GRID2: variants seen among roughly 807,000 people sequenced by gnomAD.
The protein encoded by GRID2 is glutamate receptor ionotropic, delta-2.
GRID2 carries 33 observed loss-of-function variants against 114.8 expected under a neutral mutation model. That is an observed-to-expected ratio of 0.29 (90% CI 0.22 to 0.38). The LOEUF is 0.38. Among genes scored for constraint, GRID2 ranks in the 10% least tolerant of loss-of-function variants. GRID2 has a pLI of 1.00. For missense variants in GRID2, 1,184 were observed against 1,257.7 expected (o/e 0.94, Z 0.89); for synonymous variants, 505 against 449.9 (o/e 1.12, Z -1.55).
At chr4:93,022,469 A>G (rs926278383) in intron 2 of GRID2, among the ~76,000 whole-genome samples, 1 of 151,964 alleles carries the variant, frequency 6.6e-6, no homozygotes, top group Admixed American at 6.6e-5. Context: ...CAAGCTCGCT[A>G]TTATGAACAA....
chr4:92,987,227 T>G (rs1473002629), intron 2 of GRID2, among the ~76,000 whole-genome samples: 2 of 152,200 alleles, frequency 1.3e-5, no homozygotes, highest in Non-Finnish European at 2.9e-5. Context: ...GATAAAATTT[T>G]TTTTTAGTAA....
At chr4:93,239,878 T>C (rs1221838243) in intron 8 of GRID2, among the ~76,000 whole-genome samples, 1 of 151,738 alleles carries the variant, frequency 6.6e-6, no homozygotes, top group African/African-American at 2.4e-5. Context: ...GTTTTGTCAA[T>C]GTTTCAACTT....
chr4:92,790,777 A>T (rs1464963282), intron 2 of GRID2, among the ~76,000 whole-genome samples: 1 of 150,244 alleles, frequency 6.7e-6, no homozygotes, highest in East Asian at 2.0e-4. Context: ...CCTAAATCCT[A>T]TGTGGCCAGT....
chr4:93,157,831 C>G (rs964721385), intron 4 of GRID2, among the ~76,000 whole-genome samples: 6 of 151,652 alleles, frequency 4.0e-5, no homozygotes, highest in African/African-American at 1.5e-4. Flanking sequence ...AATGAGGCAA[C>G]AAGGAAAGAC....
intron 2 of GRID2, among the ~76,000 whole-genome samples, chr4:92,727,940 C>T (rs1002049206): frequency 2.0e-5 from 3 of 151,900 alleles, no homozygotes; most frequent in Non-Finnish European, 2.9e-5. Context: ...TGGGGTTTAG[C>T]GTTTAAATTT....
At chr4:93,111,561 T>A (rs1227101351) in intron 4 of GRID2, among the ~76,000 whole-genome samples, 1 of 152,128 alleles carries the variant, frequency 6.6e-6, no homozygotes, top group African/African-American at 2.4e-5. Flanking sequence ...GACTTTCTAG[T>A]GATAGGTATA....
intron 1 of GRID2, among the ~76,000 whole-genome samples, chr4:92,586,890 T>A (rs796838827): frequency 3.3e-5 from 5 of 152,144 alleles, no homozygotes; most frequent in African/African-American, 1.2e-4. Context: ...TTTGGCCACT[T>A]GCATGTCAGT....
rs571823521 is a variant in GRID2 at position 92,624,701 on chromosome 4, A to G, written c.244+34415A>G. Among the ~76,000 whole-genome samples, 18 of 151,734 alleles carry G rather than the reference A, an allele frequency of 1.2e-4. No individual in the cohort carries two copies. In the South Asian group the frequency reaches 3.7e-3, roughly 32 times the overall value. ...CCATTTAAGAATCTTCAACCAAAGG[A>G]AAAAAAAGGTTAAAATATCCCCATA... On this transcript the variant is annotated intron_variant, in intron 2 of 15. Coordinates refer to ENST00000282020, the MANE Select transcript of GRID2 (RefSeq NM_001510.4).
chr4:93,759,885 G>T (rs1174686604), intron 14 of GRID2, among the ~76,000 whole-genome samples: 1 of 152,130 alleles, frequency 6.6e-6, no homozygotes, highest in South Asian at 2.1e-4. Flanking sequence ...AAATAAAGAG[G>T]TGCTTCCATT....
At position 92,913,571 on chromosome 4, in the gene GRID2, C is replaced by T. The variant is rs1451663617; in HGVS notation, c.245-171424C>T. Among the ~76,000 whole-genome samples the T allele has an allele frequency of 2.0e-5, 3 of 152,004 alleles. No individual in the cohort carries two copies. In the East Asian group the frequency reaches 5.8e-4, roughly 29 times the overall value. On this transcript the variant is annotated intron_variant, in intron 2 of 15. Coordinates refer to ENST00000282020, the MANE Select transcript of GRID2 (RefSeq NM_001510.4). ...ACTTGTCCTAGATGAAGCTCATTTT[C>T]ATAAATGTTATTTTCTTTTGTAATT...
intron 1 of GRID2, among the ~76,000 whole-genome samples, chr4:93,785,447 T>C (rs756711862): frequency 2.0e-5 from 3 of 151,774 alleles, no homozygotes; most frequent in Non-Finnish European, 2.9e-5. Context: ...GCAAAGGAAA[T>C]AGAGGTTTTT....
chr4:92,721,369 C>T (rs992787456), intron 2 of GRID2, among the ~76,000 whole-genome samples: 3 of 152,068 alleles, frequency 2.0e-5, no homozygotes, highest in Middle Eastern at 6.8e-3. Flanking sequence ...GTACATGAAT[C>T]CAAATAAATC....
intron 1 of GRID2, among the ~76,000 whole-genome samples, chr4:92,412,675 A>T (rs1731396101): frequency 6.6e-6 from 1 of 152,300 alleles, no homozygotes; most frequent in East Asian, 1.9e-4. Flanking sequence ...AAAAATAACT[A>T]TTCATCCCTG....
At chr4:92,644,570 G>A (rs1731519838) in intron 2 of GRID2, among the ~76,000 whole-genome samples, 1 of 151,706 alleles carries the variant, frequency 6.6e-6, no homozygotes, top group Admixed American at 6.6e-5. Context: ...TGTCTGGTGA[G>A]TAGCTAGACT....
intron 7 of GRID2, among the ~76,000 whole-genome samples, chr4:93,235,987 C>G (rs1233129587): frequency 6.6e-6 from 1 of 151,742 alleles, no homozygotes; most frequent in Admixed American, 6.6e-5. Flanking sequence ...AAATAAGCTA[C>G]TAAAACATAA....
chr4:92,605,294 AATTT>A (rs1276166152), intron 2 of GRID2, among the ~76,000 whole-genome samples: 1 of 152,068 alleles, frequency 6.6e-6, no homozygotes, highest in Non-Finnish European at 1.5e-5. Flanking sequence ...TTCCAAGGTC[AATTT>A]ATTCTTTCAA....
At chr4:93,296,828 CGTT>C (rs1192296299) in intron 8 of GRID2, among the ~76,000 whole-genome samples, 1 of 152,114 alleles carries the variant, frequency 6.6e-6, no homozygotes, top group Admixed American at 6.6e-5. Context: ...AAGGGTAAGT[CGTT>C]GTTCTCAAAA....
intron 8 of GRID2, among the ~76,000 whole-genome samples, chr4:93,289,032 C>A (rs1753468923): frequency 6.6e-6 from 1 of 152,088 alleles, no homozygotes; most frequent in African/African-American, 2.4e-5. Flanking sequence ...TGCCAAAAGG[C>A]TGTAATATAA....
At chr4:92,487,072 T>C (rs1011467539) in intron 1 of GRID2, among the ~76,000 whole-genome samples, 10 of 152,134 alleles carry the variant, frequency 6.6e-5, no homozygotes, top group Admixed American at 4.6e-4. Flanking sequence ...TTTTTTGTTA[T>C]GATCTATCTG....
Sources: gnomAD v4.1 joint callset for allele counts (sites outside exome capture counted in the v4.1 genomes callset) on GRCh38, gnomAD v4.1.1 for gene constraint, MANE v1.5 for transcripts, NCBI Gene and HGNC (gene_info 2026-07-23, HGNC 2026-07-21) for gene names.